The following LRRC37A2 variants were observed in gnomAD, a reference collection of about 807,000 sequenced individuals.
The protein encoded by LRRC37A2 is leucine rich repeat containing 37 member A2.
LRRC37A2 carries 9 observed loss-of-function variants against 68.8 expected under a neutral mutation model. That is an observed-to-expected ratio of 0.13 (90% CI 0.08 to 0.23). The LOEUF (loss-of-function observed/expected upper bound fraction) is 0.23, where lower values mean the gene tolerates loss of function less well. LRRC37A2 is among the 10% of genes least tolerant of loss of function. LRRC37A2 has a pLI of 1.00. For missense variants in LRRC37A2, 168 were observed against 950.4 expected, an observed-to-expected ratio of 0.18 and a Z score of 10.82; for synonymous variants, 63 against 367.6, an observed-to-expected ratio of 0.17 and a Z score of 9.48.
the LRRC37A2 span, among the ~76,000 whole-genome samples, chr17:46,496,419 C>G: frequency 4.8e-5 from 7 of 146,366 alleles, no homozygotes; most frequent in East Asian, 2.0e-4. Flanking sequence ...GACTGGACAA[C>G]ATGGCGAAAC....
chr17:46,932,489 T>A, the LRRC37A2 span: 3 of 593,952 alleles, frequency 5.1e-6, no homozygotes, highest in Non-Finnish European at 6.0e-6. Context: ...GAAGTTCACA[T>A]GGTGGAAACG....
At chr17:46,800,311 G>A in the LRRC37A2 span, among the ~76,000 whole-genome samples, 1 of 151,936 alleles carries the variant, frequency 6.6e-6, no homozygotes, top group African/African-American at 2.4e-5. Context: ...GGGTTTCACC[G>A]TGTTGGTCAG....
the LRRC37A2 span, among the ~76,000 whole-genome samples, chr17:46,919,213 G>A: frequency 6.6e-6 from 1 of 152,182 alleles, no homozygotes; most frequent in Non-Finnish European, 1.5e-5. Context: ...GAGACCAATG[G>A]ACTAAGTCAA....
the LRRC37A2 span, among the ~76,000 whole-genome samples, chr17:46,943,084 G>T: frequency 6.6e-6 from 1 of 152,176 alleles, no homozygotes; most frequent in African/African-American, 2.4e-5. Context: ...TGCCCAAGGC[G>T]ATTGTAATGC....
chr17:46,715,976 A>C, the LRRC37A2 span, among the ~76,000 whole-genome samples: 2 of 152,250 alleles, frequency 1.3e-5, no homozygotes, highest in Non-Finnish European at 2.9e-5. Flanking sequence ...AATTTATATT[A>C]GAATTTTTGG....
the LRRC37A2 span, chr17:46,936,940 C>A: frequency 1.3e-5 from 5 of 395,736 alleles, no homozygotes; most frequent in Non-Finnish European, 1.7e-5. Flanking sequence ...TTGTTTCTCT[C>A]AGTTGCTCAT....
the LRRC37A2 span, among the ~76,000 whole-genome samples, chr17:47,007,233 G>A: frequency 6.6e-6 from 1 of 152,044 alleles, no homozygotes; most frequent in Non-Finnish European, 1.5e-5. Context: ...GCTGGAGTGC[G>A]GTGTTGTGAT....
chr17:46,818,558 G>A, the LRRC37A2 span: 3 of 1,609,062 alleles, frequency 1.9e-6, no homozygotes, highest in Non-Finnish European at 2.5e-6. Context: ...GTGCCACCGA[G>A]CAGGAGGCCG....
chr17:46,544,970 A>T (rs2056058397), intron 8 of LRRC37A2, among the ~76,000 whole-genome samples: 1 of 140,526 alleles, frequency 7.1e-6, no homozygotes, highest in African/African-American at 2.7e-5. Context: ...GTTGTCTTGT[A>T]AATTGTCCCA....
chr17:46,478,521 AATGT>A, the LRRC37A2 span, among the ~76,000 whole-genome samples: 2 of 97,702 alleles, frequency 2.0e-5, 1 homozygote, highest in African/African-American at 6.9e-5. Flanking sequence ...TTGAAATAGT[AATGT>A]ATCATTTATG....
At chr17:46,916,850 T>C in the LRRC37A2 span, 1 of 152,212 alleles carries the variant, frequency 6.6e-6, no homozygotes, top group Non-Finnish European at 1.5e-5. Flanking sequence ...GTTCATCCCA[T>C]GATGGAAAAG....
the LRRC37A2 span, among the ~76,000 whole-genome samples, chr17:47,003,637 C>T: frequency 2.0e-5 from 3 of 152,122 alleles, no homozygotes; most frequent in Non-Finnish European, 2.9e-5. Context: ...TTTTTAATTA[C>T]GTGGATGGCG....
At chr17:47,034,973 T>C in the LRRC37A2 span, 5 of 152,016 alleles carry the variant, frequency 3.3e-5, no homozygotes, top group Non-Finnish European at 4.4e-5. Context: ...AAAAACCATC[T>C]GGAATAGGAA....
the LRRC37A2 span, among the ~76,000 whole-genome samples, chr17:46,985,255 C>G: frequency 1.3e-5 from 2 of 152,138 alleles, no homozygotes; most frequent in African/African-American, 4.8e-5. Flanking sequence ...TTCAGGCCAA[C>G]CATGCCTGTA....
the LRRC37A2 span, among the ~76,000 whole-genome samples, chr17:46,745,238 G>A: frequency 6.6e-6 from 1 of 152,062 alleles, no homozygotes; most frequent in Non-Finnish European, 1.5e-5. Context: ...TAATATATTC[G>A]GAGCTGTTTT....
the LRRC37A2 span, among the ~76,000 whole-genome samples, chr17:46,706,963 G>T: frequency 6.8e-6 from 1 of 146,810 alleles, no homozygotes; most frequent in Non-Finnish European, 1.5e-5. Flanking sequence ...CAATTATCCT[G>T]CCTCAGCCTC....
chr17:46,800,049 T>C, the LRRC37A2 span, among the ~76,000 whole-genome samples: 1 of 152,178 alleles, frequency 6.6e-6, no homozygotes, highest in Non-Finnish European at 1.5e-5. Flanking sequence ...CAGCTGAGCC[T>C]GAACTGCAGC....
the LRRC37A2 span, chr17:47,028,195 C>A: frequency 1.1e-6 from 1 of 911,736 alleles, no homozygotes; most frequent in Non-Finnish European, 1.8e-6. Context: ...TATGTTCCAT[C>A]CTGTATAAAT....
chr17:46,785,951 T>C, the LRRC37A2 span, among the ~76,000 whole-genome samples: 1 of 152,238 alleles, frequency 6.6e-6, no homozygotes, highest in Non-Finnish European at 1.5e-5. Flanking sequence ...CTCTGGCTGA[T>C]CTGATAAGAT....
Sources: gnomAD v4.1 joint callset for allele counts (sites outside exome capture counted in the v4.1 genomes callset) on GRCh38, gnomAD v4.1.1 for gene constraint, MANE v1.5 for transcripts, NCBI Gene and HGNC (gene_info 2026-07-23, HGNC 2026-07-21) for gene names.